The following PSD4 variants were observed in gnomAD, a reference collection of about 807,000 sequenced individuals.
PSD4 encodes the protein PH and SEC7 domain-containing protein 4.
A neutral mutation model predicts 112.5 loss-of-function variants in PSD4; 59 were observed. The ratio of observed to expected loss-of-function variants is 0.52; its 90% CI spans 0.43 to 0.65. PSD4 has a LOEUF of 0.65. Among genes scored for constraint, PSD4 ranks in the 30% least tolerant of loss-of-function variants. PSD4 has a pLI of 0.00. For missense variants in PSD4, 1,267 were observed against 1,352.6 expected (o/e 0.94, Z 0.99); for synonymous variants, 533 against 540.0 (o/e 0.99, Z 0.18).
At position 113,209,223 on chromosome 2, in the gene PSD4, C is replaced by T. The variant is rs747185055; in HGVS notation, c.*7808C>T. ...GCCAATTCCGGATCAACTTTACAGC[C>T]GCCTACGGCCTGCTATACCACCCAT... On this transcript the variant is annotated 3_prime_UTR_variant, in exon 17 of 17. Coordinates refer to ENST00000245796, the MANE Select transcript of PSD4 (RefSeq NM_012455.3). 4 of 152,166 alleles carry T rather than the reference C, an allele frequency of 2.6e-5. No individual in the cohort carries two copies. Among genetic ancestry groups the T allele is most frequent in the Admixed American group, 6.5e-5 (1 of 15,282 alleles). 9.4% of individuals were successfully genotyped at this position (152,166 alleles called of 1,614,324 possible).
In PSD4 at chr2:113,201,518, G is replaced by T; in HGVS notation, c.*103G>T. 5 of 1,455,058 alleles carry T rather than the reference G, an allele frequency of 3.4e-6. No homozygotes were observed. Among genetic ancestry groups the T allele is most frequent in the South Asian group, 1.3e-5 (1 of 77,114 alleles). 90.1% of individuals were successfully genotyped at this position (1,455,058 alleles called of 1,614,324 possible). A position where few individuals can be genotyped will look rare whatever the true frequency, so the allele number is the denominator to read the frequency against. On this transcript the variant is annotated 3_prime_UTR_variant, in exon 17 of 17. Transcript: ENST00000245796. ...CAATGAGTCCACCATGACGGATGAG[G>T]CACCTCCTTTCCCTGCTGAAGGACA...
rs1688837778 is a variant in PSD4, at chr2:113,204,502, T to C, written c.*3087T>C. 6.6e-6 allele frequency: 1 copy of C among 152,392 alleles called. No homozygotes were observed. The highest frequency in any genetic ancestry group is 2.4e-5 in the African/African-American group (1 of 41,466). The allele number at this position is 152,392 out of a possible 1,614,324, so 9.4% of individuals were successfully genotyped here. A position where few individuals can be genotyped will look rare whatever the true frequency, so the allele number is the denominator to read the frequency against. On this transcript the variant is annotated 3_prime_UTR_variant, in exon 17 of 17. Transcript: ENST00000245796. The stretch of plus-strand genomic sequence containing the variant: ...CCACCCCATGCTCCTCTCCCACCTG[T>C]GTCCTTCTCTTTGCAGGAGAAGGGA...
At chr2:113,192,651 G>GGGCT in intron 6 of PSD4, 62 bp downstream of exon 6, 1 of 1,551,578 alleles carries the variant, frequency 6.4e-7, no homozygotes, top group South Asian at 1.2e-5. Context: ...AGCTGCTGAA[G>GGGCT]GGCTCCCTCC....
chr2:113,178,756 G>A (rs1009511436), intron 1 of PSD4, among the ~76,000 whole-genome samples: 1 of 152,068 alleles, frequency 6.6e-6, no homozygotes, highest in Non-Finnish European at 1.5e-5. Flanking sequence ...AATGCTCTGG[G>A]GCTCATAGGG....
Position 113,204,077 on chromosome 2 carries a change from T to C in PSD4, c.*2662T>C, listed in dbSNP as rs1573385126. ...GGGTCTGGGTTGTGGGCTGCAGTTA[T>C]GACATGTGACCACTTGGAGGCAGGC... On this transcript the variant is annotated 3_prime_UTR_variant, in exon 17 of 17. Transcript: ENST00000245796. 1 of 152,298 alleles carries C rather than the reference T, an allele frequency of 6.6e-6. No individual in the cohort carries two copies. The highest frequency in any genetic ancestry group is 2.4e-5 in the African/African-American group (1 of 41,456). The allele number at this position is 152,298 out of a possible 1,614,324, so 9.4% of individuals were successfully genotyped here.
chr2:113,183,202 C>T lies in PSD4; in HGVS notation c.746C>T (p.Pro249Leu). The change falls in exon 2 of 17, where the codon CCC (proline) becomes CTC (leucine). Residue 249 changes from proline to leucine, a missense_variant. Pro to Leu is a moderately conservative substitution (Grantham distance 98). This residue lies in a region of PSD4 where 723 missense variants were observed against 704.0 expected (regional missense o/e 1.03). Transcript: ENST00000245796. ...AEEESMFFSN[P>L]LFLASPCSEN... ...GAGGAGAGCATGTTCTTCAGCAACC[C>T]CCTCTTCCTGGCGAGTCCTTGCTCA... 1.9e-6 allele frequency: 3 copies of T among 1,614,182 alleles called. No homozygotes were observed. Among genetic ancestry groups the T allele is most frequent in the Non-Finnish European group, 2.5e-6 (3 of 1,180,030 alleles).
At chr2:113,192,708 TC>T (rs1262616452) in intron 6 of PSD4, 119 bp downstream of exon 6, 42 of 1,062,242 alleles carry the variant, frequency 4.0e-5, no homozygotes, top group Non-Finnish European at 5.1e-5. Context: ...CCTTCCCATC[TC>T]CCCTCCTAAC....
At position 113,207,267 on chromosome 2, in the gene PSD4, C is replaced by T. The variant is rs1193085148; in HGVS notation, c.*5852C>T. 6.6e-6 allele frequency: 1 copy of T among 152,252 alleles called. No individual in the cohort carries two copies. Among genetic ancestry groups the T allele is most frequent in the African/African-American group, 2.4e-5 (1 of 41,378 alleles). The allele number at this position is 152,252 out of a possible 1,614,324, so 9.4% of individuals were successfully genotyped here. On this transcript the variant is annotated 3_prime_UTR_variant, in exon 17 of 17. Transcript: ENST00000245796. ...GAGAGGATGAGAGTGAAGTCAGCACCACCAAAACATAGGGACCAGCTGTGG... is the reference window on the plus strand; with the variant it reads ...GAGAGGATGAGAGTGAAGTCAGCACTACCAAAACATAGGGACCAGCTGTGG...
chr2:113,200,787 CA>C (rs1292816786), intron 16 of PSD4, among the ~76,000 whole-genome samples: 1 of 152,144 alleles, frequency 6.6e-6, no homozygotes, highest in East Asian at 1.9e-4. Flanking sequence ...TATTTAGACC[CA>C]ATTAGGGCTG....
chr2:113,184,368 C>T (rs1380653982), intron 2 of PSD4, among the ~76,000 whole-genome samples: 4 of 147,338 alleles, frequency 2.7e-5, no homozygotes, highest in Admixed American at 2.1e-4. Context: ...TCCATTTTCT[C>T]AGGACTTTCT....
In PSD4 at chr2:113,201,654, C is replaced by T. The variant is rs1233194580; in HGVS notation, c.*239C>T. 1.7e-5 allele frequency: 10 copies of T among 580,104 alleles called. No homozygotes were observed. The highest frequency in any genetic ancestry group is 9.1e-5 in the East Asian group (3 of 32,890). 35.9% of individuals were successfully genotyped at this position (580,104 alleles called of 1,614,324 possible). ...CCTCCGCAGCCCCAGTCCCTGGCCA[C>T]GCCCAAGGGAAGAGGGAGGTGAGGA... On this transcript the variant is annotated 3_prime_UTR_variant, in exon 17 of 17. Coordinates refer to ENST00000245796, the MANE Select transcript of PSD4 (RefSeq NM_012455.3).
rs1172897660 is a variant in PSD4, at chr2:113,186,207, C to T, written c.1580C>T (p.Ala527Val). The T allele has an allele frequency of 1.2e-6, 2 of 1,610,996 alleles. No homozygotes were observed. The highest frequency in any genetic ancestry group is 1.7e-6 in the Non-Finnish European group (2 of 1,178,148). The change falls in exon 5 of 17, where the codon GCA (alanine) becomes GTA (valine). Residue 527 changes from alanine to valine, a missense_variant. Physicochemically the swap from Ala to Val is moderately conservative, Grantham distance 64. This residue lies in a region of PSD4 where 723 missense variants were observed against 704.0 expected (regional missense o/e 1.03). Transcript: ENST00000245796. ...EVKSEGTARP[A>V]ETGDVQPDIH... The stretch of plus-strand genomic sequence containing the variant: ...AAGAGTGAAGGAACAGCCAGGCCTG[C>T]AGAGACTGGAGACGTCCAGCCTGAC...
intron 2 of PSD4, among the ~76,000 whole-genome samples, chr2:113,183,720 T>G (rs1444494097): frequency 6.6e-6 from 1 of 152,046 alleles, no homozygotes; most frequent in Admixed American, 6.5e-5. Context: ...TGCCATGATG[T>G]CAGCTGATGT....
chr2:113,181,994 C>T (rs897356682), intron 1 of PSD4, among the ~76,000 whole-genome samples: 33 of 152,158 alleles, frequency 2.2e-4, no homozygotes, highest in Admixed American at 2.0e-3. Context: ...GAGGCATTTC[C>T]GCCTTCAGTT....
Position 113,201,556 on chromosome 2 carries a change from C to A in PSD4, c.*141C>A. 2 of 1,200,078 alleles carry A rather than the reference C, an allele frequency of 1.7e-6. No homozygotes were observed. The highest frequency in any genetic ancestry group is 2.4e-5 in the Admixed American group (1 of 41,442). The allele number at this position is 1,200,078 out of a possible 1,614,324, so 74.3% of individuals were successfully genotyped here. A position where few individuals can be genotyped will look rare whatever the true frequency, so the allele number is the denominator to read the frequency against. On this transcript the variant is annotated 3_prime_UTR_variant, in exon 17 of 17. Transcript: ENST00000245796. ...CTGCTGAAGGACAAACCTTGTTTCC[C>A]TGTGGCCCTCATTCTTGTGCTCCCT... is the stretch of plus-strand genomic sequence containing the variant.
At chr2:113,195,957 G>A (rs1331872228) in intron 11 of PSD4, among the ~76,000 whole-genome samples, 187 bp downstream of exon 11, 1 of 152,180 alleles carries the variant, frequency 6.6e-6, no homozygotes, top group African/African-American at 2.4e-5. Flanking sequence ...AGGGCCAGAG[G>A]TAGTGGGGCG....
Position 113,185,979 on chromosome 2 carries a change from C to A in PSD4, c.1352C>A (p.Ser451Tyr), listed in dbSNP as rs1359082755. The A allele has an allele frequency of 3.1e-6, 5 of 1,614,018 alleles. No homozygotes were observed. The highest frequency in any genetic ancestry group is 4.2e-6 in the Non-Finnish European group (5 of 1,179,972). Residue 451 changes from serine (S) to tyrosine (Y), a missense_variant, in exon 5 of 17, where the codon TCT becomes TAT. This residue lies in a region of PSD4 where 723 missense variants were observed against 704.0 expected (regional missense o/e 1.03). Transcript: ENST00000245796. Reference sequence around the variant, plus strand: ...TCTCCAGAGCCTAGCAGCCCAGAATCTGAGAGCAGAGGCCCTGGTCCCAGG... The same window carrying A: ...TCTCCAGAGCCTAGCAGCCCAGAATATGAGAGCAGAGGCCCTGGTCCCAGG... ...ASSPEPSSPE[S>Y]ESRGPGPRPS...
At position 113,193,147 on chromosome 2, in the gene PSD4, C is replaced by A. The variant is rs45528032; in HGVS notation, c.1919+19C>A. 3.2e-5 allele frequency: 52 copies of A among 1,611,946 alleles called. No individual in the cohort carries two copies. Among genetic ancestry groups the A allele is most frequent in the Non-Finnish European group, 4.1e-5 (48 of 1,178,060 alleles). On this transcript the variant is annotated intron_variant, in intron 7 of 16. Transcript: ENST00000245796. ...CCCTCCGGTAATGTCTTTGGGCCCT[C>A]TCTGGGGAGGCTGTGGAGGATGGCA...
chr2:113,193,708 G>A, intron 9 of PSD4, 58 bp downstream of exon 9: 1 of 1,580,944 alleles, frequency 6.3e-7, no homozygotes, highest in South Asian at 1.1e-5. Context: ...GGTGCGGGGA[G>A]GAGAAGACCA....
Sources: allele counts gnomAD v4.1 joint callset (sites outside exome capture counted in the v4.1 genomes callset), GRCh38; gene constraint gnomAD v4.1.1; regional missense constraint gnomAD v4.1.1; transcripts MANE v1.5; gene names NCBI Gene and HGNC (gene_info 2026-07-23, HGNC 2026-07-21).